Variants in NAA15 observed in about 807,000 individuals in gnomAD.
NAA15 encodes N-alpha-acetyltransferase 15, NatA auxiliary subunit, also known as N-terminal acetyltransferase.
A neutral mutation model predicts 114.0 loss-of-function variants in NAA15; 34 were observed. The observed-to-expected ratio is 0.30, with a 90% CI of 0.23 to 0.40. NAA15 has a LOEUF of 0.40. Ranked by LOEUF, NAA15 falls within the 10% of genes least tolerant of loss-of-function variation. The pLI, the probability that NAA15 is intolerant of heterozygous loss-of-function variation, is 1.00. For synonymous variants in NAA15, 340 were observed against 338.0 expected (o/e 1.01, Z -0.06); for missense variants, 658 against 1,004.5 (o/e 0.66, Z 4.66).
At chr4:139,319,831 A>C (rs1211580203) in intron 1 of NAA15, among the ~76,000 whole-genome samples, 1 of 152,304 alleles carries the variant, frequency 6.6e-6, no homozygotes, top group East Asian at 1.9e-4. Flanking sequence ...CTGGCGACTG[A>C]GAATGTCTCT....
rs1031550946 is a variant in NAA15, at chr4:139,378,800, A to G, written c.2101A>G (p.Ile701Val). The change falls in exon 17 of 20, where the codon ATT (isoleucine) becomes GTT (valine). Residue 701 changes from isoleucine (I) to valine (V), a missense_variant. Ile to Val is a conservative substitution (Grantham distance 29, BLOSUM62 3). Coordinates refer to ENST00000296543, the MANE Select transcript of NAA15 (RefSeq NM_057175.5). ...ACAATCAGTAAAGAGGGCATTTGCT[A>G]TTGATTCTAGTCATCCCTGGCTTCA... ...MLQSVKRAFAIDSSHPWLHEC... is the reference protein window; with the variant it reads ...MLQSVKRAFAVDSSHPWLHEC... The G allele has an allele frequency of 2.6e-6, 4 of 1,555,838 alleles. No individual in the cohort carries two copies. Among genetic ancestry groups the G allele is most frequent in the East Asian group, 2.4e-5 (1 of 41,514 alleles).
intron 1 of NAA15, among the ~76,000 whole-genome samples, chr4:139,305,140 G>A (rs1231947961): frequency 6.6e-6 from 1 of 152,194 alleles, no homozygotes; most frequent in Non-Finnish European, 1.5e-5. Flanking sequence ...GTACCACAGT[G>A]TGTTTAACCA....
intron 2 of NAA15, among the ~76,000 whole-genome samples, chr4:139,334,461 CTT>C (rs1351709441): frequency 6.6e-6 from 1 of 151,370 alleles, no homozygotes; most frequent in Non-Finnish European, 1.5e-5. Context: ...CTGATTTATT[CTT>C]AGTTTGAATA....
At chr4:139,314,673 C>T (rs1398818554) in intron 1 of NAA15, among the ~76,000 whole-genome samples, 1 of 151,796 alleles carries the variant, frequency 6.6e-6, no homozygotes, top group Non-Finnish European at 1.5e-5. Flanking sequence ...CCAACTGTTT[C>T]TTTGTTAGGG....
intron 9 of NAA15, among the ~76,000 whole-genome samples, chr4:139,352,605 CT>C (rs1459287485): frequency 1.3e-5 from 2 of 148,502 alleles, no homozygotes; most frequent in Admixed American, 1.3e-4. Context: ...AACGTATGGG[CT>C]TTTTTGATTG....
chr4:139,359,096 C>T (rs1748055124), intron 11 of NAA15, among the ~76,000 whole-genome samples: 1 of 150,862 alleles, frequency 6.6e-6, no homozygotes, highest in Non-Finnish European at 1.5e-5. Context: ...CAGAGTGAGA[C>T]TCCCATCTCA....
Position 139,334,154 on chromosome 4 carries a change from T to A in NAA15, c.55-20T>A. 6.6e-7 allele frequency: 1 copy of A among 1,522,618 alleles called. No individual in the cohort carries two copies. Among genetic ancestry groups the A allele is most frequent in the Non-Finnish European group, 9.0e-7 (1 of 1,117,262 alleles). The allele number at this position is 1,522,618 out of a possible 1,614,324, so 94.3% of individuals were successfully genotyped here. A position where few individuals can be genotyped will look rare whatever the true frequency, so the allele number is the denominator to read the frequency against. On this transcript the variant is annotated intron_variant, in intron 1 of 19. Coordinates refer to ENST00000296543, the MANE Select transcript of NAA15 (RefSeq NM_057175.5). ...TTGTATTCCTTGCTAAACTTAAATT[T>A]TTCTTTTTTGTTTTGACAGAGGTGT...
Position 139,360,642 on chromosome 4 carries a change from A to T in NAA15, c.1539+14A>T, listed in dbSNP as rs1475057357. On this transcript the variant is annotated intron_variant, in intron 13 of 19. Transcript: ENST00000296543. ...GAGATTGAGAGAGTAAGTACCTTCT[A>T]CATAAAAGTTTTCTTGTTTTATTCT... 1.9e-6 allele frequency: 3 copies of T among 1,564,242 alleles called. No individual in the cohort carries two copies. Among genetic ancestry groups the T allele is most frequent in the Non-Finnish European group, 2.6e-6 (3 of 1,159,216 alleles).
intron 17 of NAA15, among the ~76,000 whole-genome samples, chr4:139,381,442 T>A (rs1409187826): frequency 6.6e-6 from 1 of 152,096 alleles, no homozygotes; most frequent in East Asian, 1.9e-4. Context: ...CCTCTCCCAT[T>A]TGCACAAACT....
chr4:139,355,684 T>C (rs1747927459), intron 10 of NAA15, among the ~76,000 whole-genome samples: 1 of 152,218 alleles, frequency 6.6e-6, no homozygotes, highest in South Asian at 2.1e-4. Context: ...TACAGGACAC[T>C]TCTGTCATGA....
intron 6 of NAA15, among the ~76,000 whole-genome samples, chr4:139,348,800 T>C (rs1455545572): frequency 6.6e-6 from 1 of 152,178 alleles, no homozygotes; most frequent in Non-Finnish European, 1.5e-5. Flanking sequence ...TTAAGATTGA[T>C]TTTTGATAAT....
intron 6 of NAA15, among the ~76,000 whole-genome samples, chr4:139,346,249 A>G (rs529186203): frequency 2.5e-4 from 38 of 152,294 alleles, no homozygotes; most frequent in African/African-American, 8.9e-4. Flanking sequence ...AAATGTGTAG[A>G]TGTAATGCAT....
chr4:139,339,533 G>A (rs1238183238), intron 3 of NAA15, among the ~76,000 whole-genome samples: 1 of 151,732 alleles, frequency 6.6e-6, no homozygotes, highest in Non-Finnish European at 1.5e-5. Flanking sequence ...GGCGGATCAC[G>A]AGATCAGGAG....
intron 1 of NAA15, among the ~76,000 whole-genome samples, chr4:139,303,783 A>G (rs1473565550): frequency 1.3e-5 from 2 of 152,240 alleles, no homozygotes; most frequent in Non-Finnish European, 2.9e-5. Context: ...AAACAAAAAC[A>G]AAAAACTTCA....
intron 15 of NAA15, among the ~76,000 whole-genome samples, chr4:139,375,658 T>C (rs1366034332): frequency 6.6e-6 from 1 of 152,126 alleles, no homozygotes; most frequent in Non-Finnish European, 1.5e-5. Context: ...CTGATAAATA[T>C]GGTGGTGGTC....
At chr4:139,332,400 A>T (rs1747043976) in intron 1 of NAA15, among the ~76,000 whole-genome samples, 1 of 151,686 alleles carries the variant, frequency 6.6e-6, no homozygotes, top group African/African-American at 2.4e-5. Flanking sequence ...AAGTGCTGGG[A>T]TTACAGATGT....
In NAA15 at chr4:139,333,702, C is replaced by T. The variant is rs117126040; in HGVS notation, c.55-472C>T. On this transcript the variant is annotated intron_variant, in intron 1 of 19. Coordinates refer to ENST00000296543, the MANE Select transcript of NAA15 (RefSeq NM_057175.5). ...CGCTTGAGAATCTTGGAGTCTGAGA[C>T]CAGCCTAGGCAACATAGTGAGTCCC... Among the ~76,000 whole-genome samples, 88 of 152,190 alleles carry T rather than the reference C, an allele frequency of 5.8e-4. No individual in the cohort carries two copies. In the East Asian group the frequency reaches 0.012, roughly 21 times the overall value.
rs1377911583 is a variant in NAA15 at position 139,317,122 on chromosome 4, C to T, written c.54+15291C>T. Among the ~76,000 whole-genome samples the T allele has an allele frequency of 5.3e-5, 8 of 151,800 alleles. No individual in the cohort carries two copies. In the East Asian group the frequency reaches 1.4e-3, roughly 26 times the overall value. ...ATCCTCAGTCATATTACATGTAATT[C>T]GGTTACCACTAGGACTCTGCTATAT... On this transcript the variant is annotated intron_variant, in intron 1 of 19. Transcript: ENST00000296543.
Position 139,343,759 on chromosome 4 carries a change from A to C in NAA15, c.538-427A>C, listed in dbSNP as rs1382359635. 2.0e-5 allele frequency among the ~76,000 whole-genome samples: 3 copies of C among 152,198 alleles called. No individual in the cohort carries two copies. The East Asian group carries it at 5.8e-4, about 29-fold the overall frequency. ...ACGTATTTTTCTCTCTTTGTGTTTA[A>C]TATGCAGTTTGAGACTGAATAGCCT... On this transcript the variant is annotated intron_variant, in intron 5 of 19. Coordinates refer to ENST00000296543, the MANE Select transcript of NAA15 (RefSeq NM_057175.5).
Sources: allele counts gnomAD v4.1 joint callset (sites outside exome capture counted in the v4.1 genomes callset), GRCh38; gene constraint gnomAD v4.1.1; transcripts MANE v1.5; gene names NCBI Gene and HGNC (gene_info 2026-07-23, HGNC 2026-07-21).